PRKCA: variants seen among roughly 807,000 people sequenced by gnomAD.
PRKCA encodes the protein protein kinase C alpha type.
In PRKCA, 27 loss-of-function variants were observed where a neutral mutation model predicts 87.0. The observed-to-expected ratio is 0.31, with a 90% CI of 0.23 to 0.43. The LOEUF (loss-of-function observed/expected upper bound fraction) is 0.43, where lower values mean the gene tolerates loss of function less well. PRKCA is among the 20% of genes least tolerant of loss of function. The pLI is 1.00. For synonymous variants in PRKCA, 329 were observed against 311.1 expected (o/e 1.06, Z -0.61); for missense variants, 518 against 852.3 (o/e 0.61, Z 4.88).
chr17:66,653,678 G>A (rs185000917), intron 5 of PRKCA, among the ~76,000 whole-genome samples: 1 of 152,088 alleles, frequency 6.6e-6, no homozygotes, highest in East Asian at 1.9e-4. Flanking sequence ...ATGGCTGAGT[G>A]GGCCGTTTGC....
chr17:66,684,480 C>T (rs997541676), intron 5 of PRKCA, among the ~76,000 whole-genome samples: 1 of 152,220 alleles, frequency 6.6e-6, no homozygotes, highest in African/African-American at 2.4e-5. Context: ...CCATGAGTCA[C>T]ACTCACACAG....
At chr17:66,338,215 T>C (rs529308483) in intron 2 of PRKCA, among the ~76,000 whole-genome samples, 77 of 152,236 alleles carry the variant, frequency 5.1e-4, no homozygotes, top group African/African-American at 1.8e-3. Context: ...GAGGCTGCCA[T>C]GTCTCGGCTG....
chr17:66,502,841 A>G (rs1343597570), intron 3 of PRKCA, among the ~76,000 whole-genome samples: 1 of 150,744 alleles, frequency 6.6e-6, no homozygotes, highest in Non-Finnish European at 1.5e-5. Flanking sequence ...TTGTATTTTT[A>G]GTAGAGACAG....
At chr17:66,580,960 C>T (rs1395494356) in intron 3 of PRKCA, among the ~76,000 whole-genome samples, 2 of 151,514 alleles carry the variant, frequency 1.3e-5, no homozygotes, top group African/African-American at 4.9e-5. Context: ...ATCCCATGTT[C>T]CTAGAAATTA....
At chr17:66,376,575 T>C (rs1909426786) in intron 2 of PRKCA, among the ~76,000 whole-genome samples, 1 of 151,458 alleles carries the variant, frequency 6.6e-6, no homozygotes. Flanking sequence ...GCCGAGATCA[T>C]GCCACTGCAC....
At position 66,645,504 on chromosome 17, in the gene PRKCA, T is replaced by C. The variant is rs775447663; in HGVS notation, c.522T>C (p.His174=). 5 of 1,614,142 alleles carry C rather than the reference T, an allele frequency of 3.1e-6. No individual in the cohort carries two copies. Among genetic ancestry groups the C allele is most frequent in the Admixed American group, 1.7e-5 (1 of 60,016 alleles). Residue 174 remains histidine, a synonymous_variant, in exon 5 of 17, where the codon CAT becomes CAC. Transcript: ENST00000413366. ...LKAEVADEKL[H]VTVRDAKNLI... is the part of the protein sequence containing the mutation. ...CTGAGGTTGCTGATGAAAAGCTCCA[T>C]GTCACAGGTAAGGCTTGCTCATCCC...
chr17:66,639,910 G>A lies in PRKCA; in HGVS notation c.289-1445G>A, dbSNP rs1861689317. ...CTTGGGAGGCTGAGACAGGAGAATC[G>A]CTTGAACCTGGGAGGCAGAGGTTGC... On this transcript the variant is annotated intron_variant, in intron 3 of 16. Transcript: ENST00000413366. Among the ~76,000 whole-genome samples the A allele has an allele frequency of 2.0e-5, 3 of 152,158 alleles. 1 individual carries two copies. Among genetic ancestry groups the A allele is most frequent in the Admixed American group, 1.3e-4 (2 of 15,288 alleles).
At chr17:66,589,979 C>T (rs143127962) in intron 3 of PRKCA, among the ~76,000 whole-genome samples, 62 of 152,192 alleles carry the variant, frequency 4.1e-4, no homozygotes, top group African/African-American at 1.3e-3. Flanking sequence ...AATCTCATGC[C>T]GCCGGTGATC....
chr17:66,498,787 C>T (rs1916595657), intron 3 of PRKCA, among the ~76,000 whole-genome samples: 1 of 152,188 alleles, frequency 6.6e-6, no homozygotes, highest in Non-Finnish European at 1.5e-5. Flanking sequence ...TGCACACATG[C>T]ATGCTGGGCT....
At chr17:66,482,275 A>G (rs1211746447) in intron 2 of PRKCA, among the ~76,000 whole-genome samples, 1 of 152,066 alleles carries the variant, frequency 6.6e-6, no homozygotes, top group Non-Finnish European at 1.5e-5. Context: ...CTCCTCATGG[A>G]ACTTAGGGCA....
At chr17:66,697,584 C>G (rs1972956515) in intron 8 of PRKCA, among the ~76,000 whole-genome samples, 1 of 152,160 alleles carries the variant, frequency 6.6e-6, no homozygotes, top group African/African-American at 2.4e-5. Context: ...CACCCAGCTC[C>G]CCCAGCCATC....
At chr17:66,462,912 G>A (rs781272708) in intron 2 of PRKCA, among the ~76,000 whole-genome samples, 20 of 146,776 alleles carry the variant, frequency 1.4e-4, no homozygotes, top group Non-Finnish European at 3.0e-4. Context: ...ACACATGCAC[G>A]TGCACACATG....
chr17:66,519,664 A>G lies in PRKCA; in HGVS notation c.288+23381A>G, dbSNP rs186850241. ...GTAAGCACTAATTCCTCCAGCCCAC[A>G]CTTTCTTTAACATTTCCTATGCCAG... On this transcript the variant is annotated intron_variant, in intron 3 of 16. Coordinates refer to ENST00000413366, the MANE Select transcript of PRKCA (RefSeq NM_002737.3). Among the ~76,000 whole-genome samples the G allele has an allele frequency of 5.3e-5, 8 of 152,308 alleles. No homozygotes were observed. The East Asian group carries it at 1.5e-3, about 29-fold the overall frequency.
rs1972720235 is a variant in PRKCA at position 66,689,408 on chromosome 17, GCCTTT to G, written c.918+366_918+370del. 6.6e-6 allele frequency among the ~76,000 whole-genome samples: 1 copy of G among 152,140 alleles called. No homozygotes were observed. Among genetic ancestry groups the G allele is most frequent in the South Asian group, 2.1e-4 (1 of 4,822 alleles). On this transcript the variant is annotated intron_variant, in intron 8 of 16. Transcript: ENST00000413366. This position sits in a 1 kb window ranked among gnomAD's most constrained non-coding sequence, Gnocchi z 4.1. ...TTCTGAAAAGGAGGAAGTCATTTTG[GCCTTT>G]CCTTGGGAGCTCATTTGTGTGTAAT...
At chr17:66,763,287 C>T (rs902897894) in intron 13 of PRKCA, among the ~76,000 whole-genome samples, 2 of 152,164 alleles carry the variant, frequency 1.3e-5, no homozygotes, top group African/African-American at 4.8e-5. Flanking sequence ...GGCCCAGCCC[C>T]AACCAGGGAG....
At chr17:66,426,702 C>G (rs1254620038) in intron 2 of PRKCA, among the ~76,000 whole-genome samples, 1 of 152,148 alleles carries the variant, frequency 6.6e-6, no homozygotes, top group African/African-American at 2.4e-5. Flanking sequence ...GTGGGAATAC[C>G]CTTCAAGGGT....
At chr17:66,306,323 A>G (rs1904813475) in intron 2 of PRKCA, 196 bp downstream of exon 2, 4 of 371,032 alleles carry the variant, frequency 1.1e-5, no homozygotes, top group Middle Eastern at 6.9e-4. Context: ...CCTTTTTCTC[A>G]TTGGAAAAAA....
intron 3 of PRKCA, among the ~76,000 whole-genome samples, chr17:66,538,018 G>A (rs1201947125): frequency 6.6e-6 from 1 of 152,136 alleles, no homozygotes; most frequent in Non-Finnish European, 1.5e-5. Flanking sequence ...TGTTGCCTAA[G>A]CTGGTCTCCT....
chr17:66,457,739 G>A (rs1256698406), intron 2 of PRKCA, among the ~76,000 whole-genome samples: 1 of 152,098 alleles, frequency 6.6e-6, no homozygotes, highest in Non-Finnish European at 1.5e-5. Context: ...AGAAGGACAT[G>A]TTTGCTTCTC....
Sources: allele counts gnomAD v4.1 joint callset (sites outside exome capture counted in the v4.1 genomes callset), GRCh38; gene constraint gnomAD v4.1.1; non-coding constraint Gnocchi (gnomAD v3.1); transcripts MANE v1.5; gene names NCBI Gene and HGNC (gene_info 2026-07-23, HGNC 2026-07-21).